The following SEMA3C variants were observed in gnomAD, a reference collection of about 807,000 sequenced individuals.
SEMA3C encodes semaphorin 3C, also known as semaphorin-3C.
Under a neutral mutation model 89.4 loss-of-function variants are expected in SEMA3C, and 47 were observed. The observed-to-expected ratio is 0.53, with a 90% CI of 0.42 to 0.67. SEMA3C has a LOEUF of 0.67. Among genes scored for constraint, SEMA3C ranks in the 30% least tolerant of loss-of-function variants. SEMA3C has a pLI of 0.00. For synonymous variants in SEMA3C, 310 were observed against 320.2 expected, an observed-to-expected ratio of 0.97 and a Z score of 0.34; for missense variants, 839 against 929.1, an observed-to-expected ratio of 0.90 and a Z score of 1.26.
intron 2 of SEMA3C, among the ~76,000 whole-genome samples, chr7:80,838,193 T>C (rs193138430): frequency 2.1e-3 from 321 of 152,240 alleles, no homozygotes; most frequent in African/African-American, 7.0e-3. Context: ...TTGGAAATAG[T>C]AGACCAAGGT....
At chr7:80,896,179 T>C (rs1791732851) in intron 2 of SEMA3C, among the ~76,000 whole-genome samples, 1 of 152,184 alleles carries the variant, frequency 6.6e-6, no homozygotes, top group South Asian at 2.1e-4. Flanking sequence ...AATGATTGTC[T>C]TTTAAAATAG....
intron 15 of SEMA3C, among the ~76,000 whole-genome samples, chr7:80,752,070 T>A (rs1787948197): frequency 6.6e-6 from 1 of 152,210 alleles, no homozygotes; most frequent in South Asian, 2.1e-4. Context: ...GAAAATAAGT[T>A]ACAGATACAA....
At chr7:80,816,361 T>C (rs1789607685) in intron 5 of SEMA3C, 1 of 152,126 alleles carries the variant, frequency 6.6e-6, no homozygotes, top group South Asian at 2.1e-4. Context: ...TTTGAATAGA[T>C]GAAAAATGTC....
At chr7:80,843,360 A>C (rs1790314103) in intron 2 of SEMA3C, among the ~76,000 whole-genome samples, 1 of 152,224 alleles carries the variant, frequency 6.6e-6, no homozygotes, top group East Asian at 1.9e-4. Context: ...AATTAAAATG[A>C]GACTCTTTTT....
At chr7:80,764,304 A>C (rs975623674) in intron 13 of SEMA3C, among the ~76,000 whole-genome samples, 4 of 152,204 alleles carry the variant, frequency 2.6e-5, no homozygotes, top group Non-Finnish European at 5.9e-5. Flanking sequence ...TAATTGGTTT[A>C]GTTGGAAATA....
intron 9 of SEMA3C, among the ~76,000 whole-genome samples, chr7:80,801,938 A>G (rs946758117): frequency 6.6e-6 from 1 of 152,134 alleles, no homozygotes; most frequent in Non-Finnish European, 1.5e-5. Flanking sequence ...TTTTTTCCAC[A>G]TGGTAACACA....
intron 2 of SEMA3C, among the ~76,000 whole-genome samples, chr7:80,875,874 A>C (rs1027840458): frequency 6.6e-6 from 1 of 152,108 alleles, no homozygotes; most frequent in East Asian, 1.9e-4. Context: ...AAGAAAAAAA[A>C]ATTATATGCT....
chr7:80,842,410 T>C (rs1470186173), intron 2 of SEMA3C, among the ~76,000 whole-genome samples: 4 of 152,178 alleles, frequency 2.6e-5, no homozygotes, highest in Admixed American at 2.0e-4. Context: ...CATTCTTGCA[T>C]GTACTTCAAG....
intron 2 of SEMA3C, among the ~76,000 whole-genome samples, chr7:80,901,652 T>C (rs2116199131): frequency 6.6e-6 from 1 of 152,340 alleles, no homozygotes; most frequent in East Asian, 1.9e-4. Context: ...ATCTTTGTTT[T>C]CTGTGACTAC....
At chr7:80,919,683 G>A (rs1259467579), upstream of SEMA3C, among the ~76,000 whole-genome samples, 1 of 151,880 alleles carries the variant, frequency 6.6e-6, no homozygotes, top group Non-Finnish European at 1.5e-5. Flanking sequence ...CCGCCTCCCG[G>A]GTTCAAGCGA....
At chr7:80,891,478 TCAAA>T (rs2116151160) in intron 2 of SEMA3C, among the ~76,000 whole-genome samples, 1 of 152,174 alleles carries the variant, frequency 6.6e-6, no homozygotes, top group East Asian at 1.9e-4. Context: ...ATAAAATTCT[TCAAA>T]CAATTTGAAA....
chr7:80,910,287 T>C (rs1792112794), intron 2 of SEMA3C, among the ~76,000 whole-genome samples: 1 of 152,168 alleles, frequency 6.6e-6, no homozygotes, highest in African/African-American at 2.4e-5. Context: ...AAGTAACATA[T>C]CCCTATTGAG....
At chr7:80,863,884 T>TATATATGTATCACATATATATCACAC (rs1562912076) in intron 2 of SEMA3C, among the ~76,000 whole-genome samples, 5 of 120,318 alleles carry the variant, frequency 4.2e-5, no homozygotes, top group African/African-American at 2.0e-4. Context: ...ATGTATCACA[T>TATATATGTATCACATATATATCACAC]ATATATCACA....
intron 13 of SEMA3C, 85 bp from the exon 14 acceptor site, chr7:80,761,742 A>C: frequency 1.3e-6 from 1 of 743,320 alleles, no homozygotes; most frequent in Non-Finnish European, 2.2e-6. Context: ...ATTAAATCTC[A>C]AGAAGAAATC....
At chr7:80,867,505 C>T (rs1039356890) in intron 2 of SEMA3C, among the ~76,000 whole-genome samples, 1 of 152,160 alleles carries the variant, frequency 6.6e-6, no homozygotes, top group East Asian at 1.9e-4. Context: ...GTAAAGTTAA[C>T]TCTGTCCTCT....
At chr7:80,840,362 A>T (rs185637806) in intron 2 of SEMA3C, among the ~76,000 whole-genome samples, 24 of 151,942 alleles carry the variant, frequency 1.6e-4, no homozygotes, top group Admixed American at 1.4e-3. Flanking sequence ...TCTACAAAAA[A>T]TACAAAAATC....
At position 80,758,419 on chromosome 7, in the gene SEMA3C, T is replaced by C; in HGVS notation, c.1555A>G (p.Thr519Ala). 1.2e-6 allele frequency: 2 copies of C among 1,614,052 alleles called. No homozygotes were observed. The highest frequency in any genetic ancestry group is 1.7e-6 in the Non-Finnish European group (2 of 1,179,948). Reference sequence around the variant, plus strand: ...GCCAGGCAGCAGTCAGCACAGGCTGTACCATAGATGTGGCAGCGGTGCAGA... The same window carrying C: ...GCCAGGCAGCAGTCAGCACAGGCTGCACCATAGATGTGGCAGCGGTGCAGA... The part of the protein sequence containing the change: ...VSLHRCHIYG[T>A]ACADCCLARD... Residue 519 changes from threonine to alanine, a missense_variant, in exon 15 of 18, where the codon ACA (threonine) becomes GCA (alanine). Coordinates refer to ENST00000265361, the MANE Select transcript of SEMA3C (RefSeq NM_006379.5).
chr7:80,794,657 T>C (rs139909921), intron 11 of SEMA3C, among the ~76,000 whole-genome samples: 1 of 152,222 alleles, frequency 6.6e-6, no homozygotes, highest in African/African-American at 2.4e-5. Flanking sequence ...TATAAAGAGA[T>C]GTTAAAGTTG....
chr7:80,881,676 A>G (rs1450792741), intron 2 of SEMA3C, among the ~76,000 whole-genome samples: 4 of 152,234 alleles, frequency 2.6e-5, no homozygotes, highest in Admixed American at 6.5e-5. Context: ...TGTGCTTACA[A>G]TTGGCTTCAT....
Sources: gnomAD v4.1 joint callset for allele counts (sites outside exome capture counted in the v4.1 genomes callset) on GRCh38, gnomAD v4.1.1 for gene constraint, MANE v1.5 for transcripts, NCBI Gene and HGNC (gene_info 2026-07-23, HGNC 2026-07-21) for gene names.